SLFN14: variants seen among roughly 807,000 people sequenced by gnomAD.
SLFN14 encodes schlafen family member 14, also known as protein SLFN14.
Under a neutral mutation model 58.6 loss-of-function variants are expected in SLFN14, and 47 were observed. That is an observed-to-expected ratio of 0.80 (90% CI 0.64 to 1.02). The LOEUF (loss-of-function observed/expected upper bound fraction) is 1.02. Ranked by LOEUF, SLFN14 falls within the 50% of genes least tolerant of loss-of-function variation. SLFN14 has a pLI of 0.00. For missense variants in SLFN14, 967 were observed against 1,078.4 expected (o/e 0.90, Z 1.45); for synonymous variants, 390 against 387.3 (o/e 1.01, Z -0.08).
chr17:35,554,635 G>A lies in SLFN14; in HGVS notation c.1130C>T (p.Pro377Leu). ...ISSASSARKS[P>L]GYPIKVHKFK... ...TTTGTGGACTTTTATGGGATATCCGGGACTTTTTCGTGCAGATGAAGCTGA... is the reference window on the plus strand; with the variant it reads ...TTTGTGGACTTTTATGGGATATCCGAGACTTTTTCGTGCAGATGAAGCTGA... Residue 377 changes from proline to leucine, a missense_variant, in exon 4 of 6, where the codon CCC becomes CTC. By Grantham distance (98) the Pro-to-Leu change is moderately conservative. Coordinates refer to ENST00000674182, the MANE Select transcript of SLFN14 (RefSeq NM_001129820.2). 6.5e-7 allele frequency: 1 copy of A among 1,527,946 alleles called. No individual in the cohort carries two copies. Among genetic ancestry groups the A allele is most frequent in the Non-Finnish European group, 8.8e-7 (1 of 1,134,694 alleles). 94.6% of individuals were successfully genotyped at this position (1,527,946 alleles called of 1,614,324 possible). A position where few individuals can be genotyped will look rare whatever the true frequency, so the allele number is the denominator to read the frequency against.
At position 35,557,782 on chromosome 17, in the gene SLFN14, T is replaced by G; in HGVS notation, c.281A>C (p.Lys94Thr). 3 of 1,551,730 alleles carry G rather than the reference T, an allele frequency of 1.9e-6. No individual in the cohort carries two copies. Among genetic ancestry groups the G allele is most frequent in the Non-Finnish European group, 2.6e-6 (3 of 1,146,990 alleles). Reference sequence around the variant, plus strand: ...CCCCTGCTGCATGTAGTCAAGGTATTTCTGTGAACCTGAAGGAAGGAGCTT... The same window carrying G: ...CCCCTGCTGCATGTAGTCAAGGTATGTCTGTGAACCTGAAGGAAGGAGCTT... ...FQKLLPSGSQ[K>T]YLDYMQQGHN... The change falls in exon 3 of 6, where the codon AAA becomes ACA. Residue 94 changes from lysine to threonine, a missense_variant. Transcript: ENST00000674182.
At chr17:35,553,507 A>G in intron 4 of SLFN14, 63 bp from the exon 5 acceptor site, 3 of 1,293,930 alleles carry the variant, frequency 2.3e-6, no homozygotes, top group Non-Finnish European at 3.1e-6. Flanking sequence ...TATTCCTGCA[A>G]CGTTGCAGAA....
At position 35,547,541 on chromosome 17, in the gene SLFN14, T is replaced by C. The variant is rs541211491; in HGVS notation, c.*698A>G. Among the ~76,000 whole-genome samples the C allele has an allele frequency of 4.6e-4, 70 of 152,358 alleles. No individual in the cohort carries two copies. Among genetic ancestry groups the C allele is most frequent in the Admixed American group, 1.1e-3 (17 of 15,306 alleles). ...CCACTTATGACTATGGTCCTCACTA[T>C]AAATTAACAGAGTAACATTTTGATG... On this transcript the variant is annotated 3_prime_UTR_variant, in exon 6 of 6. Transcript: ENST00000674182.
chr17:35,551,013 T>G (rs879649757), intron 5 of SLFN14, among the ~76,000 whole-genome samples: 5 of 152,342 alleles, frequency 3.3e-5, no homozygotes, highest in Non-Finnish European at 7.3e-5. Context: ...TCTACTTCTC[T>G]TAAATGTAAG....
At position 35,557,979 on chromosome 17, in the gene SLFN14, G is replaced by T; in HGVS notation, c.84C>A (p.Asn28Lys). ...DVGRVIFGEENRKKMTNSCLK... is the reference protein window; with the variant it reads ...DVGRVIFGEEKRKKMTNSCLK... Reference sequence around the variant, plus strand: ...AACAGCTGTTGGTCATCTTCTTCCTGTTTTCTTCTCCAAAAATCACTCTGC... The same window carrying T: ...AACAGCTGTTGGTCATCTTCTTCCTTTTTTCTTCTCCAAAAATCACTCTGC... The change falls in exon 3 of 6, where the codon AAC (asparagine) becomes AAA (lysine). Residue 28 changes from asparagine (N) to lysine (K), a missense_variant. Physicochemically the swap from Asn to Lys is moderately conservative, Grantham distance 94 (BLOSUM62 0). Coordinates refer to ENST00000674182, the MANE Select transcript of SLFN14 (RefSeq NM_001129820.2). 6.4e-7 allele frequency: 1 copy of T among 1,551,526 alleles called. No homozygotes were observed. Among genetic ancestry groups the T allele is most frequent in the Non-Finnish European group, 8.7e-7 (1 of 1,146,994 alleles).
rs2142212015 is a variant in SLFN14, at chr17:35,557,528, C to T, written c.535G>A (p.Glu179Lys). The change falls in exon 3 of 6, where the codon GAA (glutamate) becomes AAA (lysine). Residue 179 changes from glutamate (E) to lysine (K), a missense_variant. Glu to Lys is a moderately conservative substitution (Grantham distance 56). Coordinates refer to ENST00000674182, the MANE Select transcript of SLFN14 (RefSeq NM_001129820.2). ...GCCAATATCCTCATATCTTCCTCTT[C>T]CTGAATGCATCTATTGAGAACCTGC... The part of the protein sequence containing the change: ...PQQVLNRCIQ[E>K]EEDMRILASE... 6.4e-7 allele frequency: 1 copy of T among 1,551,654 alleles called. No individual in the cohort carries two copies. Among genetic ancestry groups the T allele is most frequent in the East Asian group, 2.4e-5 (1 of 40,926 alleles).
At chr17:35,554,303 T>C (rs2072627425) in intron 4 of SLFN14, among the ~76,000 whole-genome samples, 1 of 147,394 alleles carries the variant, frequency 6.8e-6, no homozygotes, top group South Asian at 2.1e-4. Context: ...TATAGATATA[T>C]AAATATTATA....
chr17:35,555,773 C>T (rs1449744270), intron 3 of SLFN14, among the ~76,000 whole-genome samples: 1 of 152,108 alleles, frequency 6.6e-6, no homozygotes, highest in Non-Finnish European at 1.5e-5. Flanking sequence ...GCCTATAGTC[C>T]TTTATGGATT....
At chr17:35,551,796 C>A (rs200178722) in intron 5 of SLFN14, among the ~76,000 whole-genome samples, 3 of 152,086 alleles carry the variant, frequency 2.0e-5, no homozygotes, top group Non-Finnish European at 4.4e-5. Flanking sequence ...GAATCGTCAC[C>A]AAAAAGTTAA....
chr17:35,558,926 A>T (rs1426127348), intron 2 of SLFN14, among the ~76,000 whole-genome samples: 1 of 152,070 alleles, frequency 6.6e-6, no homozygotes, highest in East Asian at 1.9e-4. Flanking sequence ...AAACACAAAC[A>T]TAGGCTGGGT....
intron 2 of SLFN14, among the ~76,000 whole-genome samples, chr17:35,558,591 A>C (rs888330518): frequency 6.6e-6 from 1 of 152,108 alleles, no homozygotes; most frequent in African/African-American, 2.4e-5. Flanking sequence ...GCTGTTTTCT[A>C]ATCACTTTGC....
At chr17:35,559,017 G>A (rs12600769) in intron 2 of SLFN14, among the ~76,000 whole-genome samples, 3,657 of 151,524 alleles carry the variant, frequency 0.024, 133 homozygotes, top group East Asian at 0.18. Flanking sequence ...TGAGACCAGC[G>A]TGGACAACAT....
intron 4 of SLFN14, 164 bp from the exon 5 acceptor site, chr17:35,553,608 C>T (rs368754496): frequency 1.1e-5 from 7 of 629,436 alleles, no homozygotes; most frequent in South Asian, 1.1e-4. Context: ...CCAACTCTCC[C>T]CCATCCCCAC....
rs1003084470 is a variant in SLFN14, at chr17:35,560,764, T to G, written c.-124+3A>C. On this transcript the variant is annotated splice_donor_region_variant and intron_variant, in intron 1 of 5. Transcript: ENST00000674182. ...TTTTAAGAATTTTTTTTTTTTTTTT[T>G]ACCTATGCTCCTGTGTTTCCTCTTG... Among the ~76,000 whole-genome samples the G allele has an allele frequency of 6.6e-6, 1 of 151,754 alleles. No homozygotes were observed. The highest frequency in any genetic ancestry group is 2.4e-5 in the African/African-American group (1 of 41,306).
rs989250312 is a variant in SLFN14 at position 35,549,004 on chromosome 17, G to A, written c.1974C>T (p.His658=). The A allele has an allele frequency of 1.9e-6, 3 of 1,551,670 alleles. No individual in the cohort carries two copies. The highest frequency in any genetic ancestry group is 2.7e-5 in the African/African-American group (2 of 73,146). ...AATTCTCAGTCTCATCCATCACTAT[G>A]TGTTTAATCTTTAGAAACTCCCCTT... The part of the protein sequence containing the change: ...FMQGEFLKIK[H]IVMDETENFC... The change falls in exon 6 of 6, where the codon CAC becomes CAT. Residue 658 remains histidine, a synonymous_variant. Coordinates refer to ENST00000674182, the MANE Select transcript of SLFN14 (RefSeq NM_001129820.2).
chr17:35,551,585 A>C (rs1018096527), intron 5 of SLFN14, among the ~76,000 whole-genome samples: 1 of 152,204 alleles, frequency 6.6e-6, no homozygotes, highest in Non-Finnish European at 1.5e-5. Context: ...ACCTCTATTC[A>C]GTTCTACTAC....
At position 35,553,328 on chromosome 17, in the gene SLFN14, C is replaced by T. The variant is rs1468448901; in HGVS notation, c.1306G>A (p.Val436Met). Residue 436 changes from valine to methionine, a missense_variant, in exon 5 of 6, where the codon GTG becomes ATG. Coordinates refer to ENST00000674182, the MANE Select transcript of SLFN14 (RefSeq NM_001129820.2). ...TLIHPCSQGI[V>M]IFSRSWAGDV... ...CCAGCCCAGCTTCTAGAAAATATCA[C>T]AATCCCCTGAGAACAAGGATGTATC... 2 of 1,551,560 alleles carry T rather than the reference C, an allele frequency of 1.3e-6. No homozygotes were observed. Among genetic ancestry groups the T allele is most frequent in the Non-Finnish European group, 1.7e-6 (2 of 1,147,004 alleles).
chr17:35,546,710 T>C lies in SLFN14; in HGVS notation c.*1529A>G, dbSNP rs1323320648. On this transcript the variant is annotated 3_prime_UTR_variant, in exon 6 of 6. Transcript: ENST00000674182. ...AAAAGGGGAACTTTGATTTCATTTC[T>C]AATATGTATCATATACATTGGAAAG... is the stretch of plus-strand genomic sequence containing the variant. 6.6e-6 allele frequency among the ~76,000 whole-genome samples: 1 copy of C among 152,240 alleles called. No individual in the cohort carries two copies. The highest frequency in any genetic ancestry group is 2.4e-5 in the African/African-American group (1 of 41,468).
In SLFN14 at chr17:35,552,750, G is replaced by A; in HGVS notation, c.1884C>T (p.Asp628=). Residue 628 remains aspartate, a synonymous_variant, in exon 5 of 6, where the codon GAC becomes GAT. Transcript: ENST00000674182. ...PKEILYVCES[D]SLKDFVTQQT... ...CTTACGTCACAAAATCCTTTAGGGA[G>A]TCGCTTTCACAAACATAGAGGATCT... is the stretch of plus-strand genomic sequence containing the variant. 1 of 1,548,974 alleles carries A rather than the reference G, an allele frequency of 6.5e-7. No individual in the cohort carries two copies.
Sources: allele counts gnomAD v4.1 joint callset (sites outside exome capture counted in the v4.1 genomes callset), GRCh38; gene constraint gnomAD v4.1.1; transcripts MANE v1.5; gene names NCBI Gene and HGNC (gene_info 2026-07-23, HGNC 2026-07-21).